SH3D19: variants seen among roughly 807,000 people sequenced by gnomAD.
The protein encoded by SH3D19 is SH3 domain-containing protein 19.
SH3D19 carries 58 observed loss-of-function variants against 112.1 expected under a neutral mutation model. The ratio of observed to expected loss-of-function variants is 0.52; its 90% confidence interval spans 0.42 to 0.64. SH3D19 has a LOEUF of 0.64. Among genes scored for constraint, SH3D19 ranks in the 30% least tolerant of loss-of-function variants. The pLI is 0.00. For missense variants in SH3D19, 1,090 were observed against 1,263.4 expected (o/e 0.86, Z 2.08); for synonymous variants, 391 against 448.5 (o/e 0.87, Z 1.62).
chr4:151,122,264 T>C lies in SH3D19; in HGVS notation c.3028-57A>G, dbSNP rs1158955690. Reference sequence around the variant, plus strand: ...TTCTGTTGAGAATAAGCATGGTAAATAGTGGCCTACCTAGGGCAGCATGAA... The same window carrying C: ...TTCTGTTGAGAATAAGCATGGTAAACAGTGGCCTACCTAGGGCAGCATGAA... On this transcript the variant is annotated intron_variant, in intron 19 of 19. Transcript: ENST00000604030. The C allele has an allele frequency of 8.9e-6, 8 of 903,948 alleles. No individual in the cohort carries two copies. The Admixed American group carries it at 9.3e-5, about 11-fold the overall frequency. The allele number at this position is 903,948 out of a possible 1,614,324, so 56.0% of individuals were successfully genotyped here. A position where few individuals can be genotyped will look rare whatever the true frequency, so the allele number is the denominator to read the frequency against.
chr4:151,224,219 G>A (rs1178123366), intron 2 of SH3D19, among the ~76,000 whole-genome samples: 1 of 152,136 alleles, frequency 6.6e-6, no homozygotes, highest in African/African-American at 2.4e-5. Context: ...TGAGGCAGGA[G>A]AATGGCGTCA....
Position 151,273,451 on chromosome 4 carries a change from G to A in SH3D19, c.113-47365C>T, listed in dbSNP as rs561579741. Reference sequence around the variant, plus strand: ...TAAAAATACAAAAAATTAGCTGGGCGTGGTGGTGGGCGCCTGTAGTCCCAG... The same window carrying A: ...TAAAAATACAAAAAATTAGCTGGGCATGGTGGTGGGCGCCTGTAGTCCCAG... On this transcript the variant is annotated intron_variant, in intron 1 of 19. Coordinates refer to ENST00000604030, the MANE Select transcript of SH3D19 (RefSeq NM_001378122.1). Among the ~76,000 whole-genome samples the A allele has an allele frequency of 2.0e-4, 30 of 151,984 alleles. 1 individual carries two copies. In the East Asian group the frequency reaches 5.0e-3, roughly 25 times the overall value.
chr4:151,152,363 C>T lies in SH3D19; in HGVS notation c.1756-2802G>A, dbSNP rs114934844. Among the ~76,000 whole-genome samples, 759 of 152,206 alleles carry T rather than the reference C, an allele frequency of 5.0e-3. 10 individuals carry two copies. The highest frequency in any genetic ancestry group is 0.017 in the African/African-American group (719 of 41,518). ...TAGCTCTGATATCCCTGAACTCTGG[C>T]TTTTAATGTGTTTGGACAAGCATTT... On this transcript the variant is annotated intron_variant, in intron 9 of 19. Coordinates refer to ENST00000604030, the MANE Select transcript of SH3D19 (RefSeq NM_001378122.1).
rs752720803 is a variant in SH3D19 at position 151,318,300 on chromosome 4, CAAAAAAAA to C, written c.112+6933_112+6940del. 1.3e-4 allele frequency among the ~76,000 whole-genome samples: 7 copies of C among 54,486 alleles called. No individual in the cohort carries two copies. In the East Asian group the frequency reaches 2.1e-3, roughly 17 times the overall value. 35.7% of individuals were successfully genotyped at this position (54,486 alleles called of 152,430 possible). ...TAGGCGACAGAGTGAGACTCTGACT[CAAAAAAAA>C]AAAAAAAAAAAAAGAAAGAAAGAAA... On this transcript the variant is annotated intron_variant, in intron 1 of 19. Transcript: ENST00000604030.
At chr4:151,131,324 A>T (rs72723710) in intron 17 of SH3D19, among the ~76,000 whole-genome samples, 400 of 151,980 alleles carry the variant, frequency 2.6e-3, no homozygotes, top group Non-Finnish European at 3.9e-3. Context: ...TCACATGCTT[A>T]TAATTGCTTG....
chr4:151,278,873 T>C (rs1773904669), intron 1 of SH3D19, among the ~76,000 whole-genome samples: 1 of 152,204 alleles, frequency 6.6e-6, no homozygotes, highest in Non-Finnish European at 1.5e-5. Context: ...ACTTGAGCAA[T>C]CCACCCACCT....
chr4:151,217,596 C>T (rs1337167444), intron 2 of SH3D19, among the ~76,000 whole-genome samples: 5 of 151,722 alleles, frequency 3.3e-5, no homozygotes, highest in Non-Finnish European at 7.4e-5. Flanking sequence ...ATTTGGGAAG[C>T]AAACAGACAT....
intron 2 of SH3D19, among the ~76,000 whole-genome samples, chr4:151,214,364 G>A (rs1766538881): frequency 6.9e-6 from 1 of 145,078 alleles, no homozygotes; most frequent in Non-Finnish European, 1.5e-5. Flanking sequence ...ATCATGGCCC[G>A]TTCTCAATGG....
At chr4:151,267,157 T>TAAAAAAA (rs1378855145) in intron 1 of SH3D19, among the ~76,000 whole-genome samples, 1 of 57,304 alleles carries the variant, frequency 1.7e-5, no homozygotes, top group African/African-American at 3.2e-5. Context: ...AGTCTCTCTC[T>TAAAAAAA]AAAAAAAAAA....
intron 12 of SH3D19, among the ~76,000 whole-genome samples, chr4:151,141,269 A>G (rs983504507): frequency 2.0e-5 from 3 of 152,054 alleles, no homozygotes; most frequent in Non-Finnish European, 4.4e-5. Flanking sequence ...GGGACTACAG[A>G]CAAGCACTAC....
At chr4:151,260,427 A>G (rs1580348249) in intron 1 of SH3D19, among the ~76,000 whole-genome samples, 1 of 152,150 alleles carries the variant, frequency 6.6e-6, no homozygotes. Context: ...CACCAATGTA[A>G]CCAGTTACTC....
At chr4:151,274,071 C>A (rs977590339) in intron 1 of SH3D19, among the ~76,000 whole-genome samples, 1 of 151,978 alleles carries the variant, frequency 6.6e-6, no homozygotes, top group African/African-American at 2.4e-5. Flanking sequence ...ATTGGATACA[C>A]AAAACAAGAA....
At chr4:151,256,449 T>C (rs1345053907) in intron 1 of SH3D19, among the ~76,000 whole-genome samples, 3 of 152,220 alleles carry the variant, frequency 2.0e-5, no homozygotes, top group Non-Finnish European at 4.4e-5. Flanking sequence ...TAACAATAAA[T>C]ATAAATACTT....
intron 7 of SH3D19, among the ~76,000 whole-genome samples, chr4:151,167,844 C>T (rs1355760840): frequency 6.6e-6 from 1 of 151,854 alleles, no homozygotes; most frequent in Non-Finnish European, 1.5e-5. Context: ...TCTGCCAGGC[C>T]GCCCCACCGT....
chr4:151,210,359 A>G (rs925243162), intron 2 of SH3D19, among the ~76,000 whole-genome samples: 1 of 152,134 alleles, frequency 6.6e-6, no homozygotes, highest in Non-Finnish European at 1.5e-5. Flanking sequence ...AAATGTTTAT[A>G]AACTATTGTT....
intron 17 of SH3D19, among the ~76,000 whole-genome samples, chr4:151,129,276 T>C (rs541678698): frequency 5.3e-5 from 8 of 152,234 alleles, no homozygotes; most frequent in Non-Finnish European, 7.3e-5. Flanking sequence ...CCAGGCACAT[T>C]AGAGAAAGGT....
intron 1 of SH3D19, among the ~76,000 whole-genome samples, chr4:151,322,431 TAAAAAAAA>T (rs57301959): frequency 0.019 from 749 of 38,452 alleles, 6 homozygotes; most frequent in African/African-American, 0.059. Flanking sequence ...AGACTCTGCC[TAAAAAAAA>T]AAAAAAAAAA....
intron 1 of SH3D19, among the ~76,000 whole-genome samples, chr4:151,287,733 A>G (rs908110518): frequency 4.6e-5 from 7 of 152,120 alleles, no homozygotes; most frequent in Non-Finnish European, 7.4e-5. Context: ...CGTTTCTACA[A>G]AATATTTTAA....
chr4:151,163,510 G>A (rs1757493475), intron 8 of SH3D19, among the ~76,000 whole-genome samples: 1 of 151,826 alleles, frequency 6.6e-6, no homozygotes, highest in Non-Finnish European at 1.5e-5. Context: ...AACCCAATGA[G>A]CTATCGTTTT....
Sources: allele counts gnomAD v4.1 joint callset (sites outside exome capture counted in the v4.1 genomes callset), GRCh38; gene constraint gnomAD v4.1.1; transcripts MANE v1.5; gene names NCBI Gene and HGNC (gene_info 2026-07-23, HGNC 2026-07-21).